Variants in NEBL observed in about 807,000 individuals in gnomAD.
NEBL encodes the protein nebulette.
In NEBL, 122 loss-of-function variants were observed where a neutral mutation model predicts 140.2. The observed-to-expected ratio is 0.87, with a 90% confidence interval of 0.75 to 1.01. The LOEUF is 1.01. Among genes scored for constraint, NEBL ranks in the 50% least tolerant of loss-of-function variants. NEBL has a pLI of 0.00. For missense variants in NEBL, 1,365 were observed against 1,231.3 expected (o/e 1.11, Z -1.62); for synonymous variants, 436 against 398.9 (o/e 1.09, Z -1.11).
chr10:21,189,350 G>A (rs2132215096), intron 3 of NEBL, among the ~76,000 whole-genome samples: 1 of 152,250 alleles, frequency 6.6e-6, no homozygotes, highest in South Asian at 2.1e-4. Context: ...GCCACCAGAA[G>A]CTGGAAAAAG....
At chr10:20,808,092 A>G (rs1312519035) in intron 26 of NEBL, among the ~76,000 whole-genome samples, 2 of 152,096 alleles carry the variant, frequency 1.3e-5, no homozygotes, top group East Asian at 3.9e-4. Context: ...CACATTCATT[A>G]TAACCTCTGA....
chr10:21,049,442 A>G (rs546234052), intron 2 of NEBL, among the ~76,000 whole-genome samples: 1 of 152,314 alleles, frequency 6.6e-6, no homozygotes, highest in African/African-American at 2.4e-5. Flanking sequence ...GCTCATAAGA[A>G]GATTGATTAC....
At chr10:21,192,280 C>G (rs1461039674) in intron 3 of NEBL, among the ~76,000 whole-genome samples, 1 of 151,640 alleles carries the variant, frequency 6.6e-6, no homozygotes, top group Non-Finnish European at 1.5e-5. Flanking sequence ...CAAGTTCTGC[C>G]TCCTGGGTTC....
In NEBL at chr10:20,852,664, G is replaced by A. The variant is rs913035151; in HGVS notation, c.904-15C>T. 3.2e-6 allele frequency: 5 copies of A among 1,564,666 alleles called. 1 individual carries two copies. The South Asian group carries it at 5.6e-5, about 17-fold the overall frequency. On this transcript the variant is annotated splice_polypyrimidine_tract_variant and intron_variant, in intron 9 of 27. Coordinates refer to ENST00000377122, the MANE Select transcript of NEBL (RefSeq NM_006393.3). ...TTATATTCTCGCTAAAATACAGAAT[G>A]GGGAAATCAACTTAGAATCAAAGAG...
rs528475077 is a variant in NEBL at position 20,807,868 on chromosome 10, T to C, written c.2761+642A>G. ...TAGTTTAATACCCTAAAGAAATTCA[T>C]TGAAGTTCTAGGCTTAATCCATCAG... On this transcript the variant is annotated intron_variant, in intron 26 of 27. Coordinates refer to ENST00000377122, the MANE Select transcript of NEBL (RefSeq NM_006393.3). Among the ~76,000 whole-genome samples, 27 of 152,174 alleles carry C rather than the reference T, an allele frequency of 1.8e-4. 1 individual carries two copies. The South Asian group carries it at 4.8e-3, about 27-fold the overall frequency.
chr10:20,846,553 T>C (rs1841966475), intron 11 of NEBL, among the ~76,000 whole-genome samples: 1 of 152,116 alleles, frequency 6.6e-6, no homozygotes, highest in Non-Finnish European at 1.5e-5. Context: ...ACCAGTTGCA[T>C]TGAGAACATC....
At chr10:20,903,785 T>C (rs921228778) in intron 4 of NEBL, among the ~76,000 whole-genome samples, 2 of 151,812 alleles carry the variant, frequency 1.3e-5, no homozygotes, top group Non-Finnish European at 2.9e-5. Context: ...AAATACTGCA[T>C]GTTGTCTGTC....
intron 2 of NEBL, among the ~76,000 whole-genome samples, chr10:21,041,462 T>C (rs566163990): frequency 4.5e-4 from 68 of 151,922 alleles, no homozygotes; most frequent in Non-Finnish European, 9.1e-4. Context: ...GCAGACAACA[T>C]GGAAAAAAGC....
At chr10:21,133,996 G>A (rs559089402) in intron 2 of NEBL, among the ~76,000 whole-genome samples, 42 of 152,292 alleles carry the variant, frequency 2.8e-4, no homozygotes, top group Non-Finnish European at 5.7e-4. Flanking sequence ...GGAGGCTGAG[G>A]TAGGCGGATC....
chr10:21,144,428 A>G (rs1392664876), intron 2 of NEBL, among the ~76,000 whole-genome samples: 1 of 152,180 alleles, frequency 6.6e-6, no homozygotes, highest in Non-Finnish European at 1.5e-5. Flanking sequence ...CTCTTGCTCA[A>G]ATAAAATCAG....
At chr10:20,961,894 GC>G (rs1836068339) in intron 3 of NEBL, 2 of 764,984 alleles carry the variant, frequency 2.6e-6, no homozygotes, top group Admixed American at 4.1e-5. Flanking sequence ...ACAGATCTCA[GC>G]CGGAGGTGCA....
intron 4 of NEBL, among the ~76,000 whole-genome samples, chr10:20,903,051 A>T (rs929855917): frequency 6.6e-6 from 1 of 152,166 alleles, no homozygotes; most frequent in Non-Finnish European, 1.5e-5. Context: ...TAGAAATGCA[A>T]ATTATAGTAG....
intron 4 of NEBL, among the ~76,000 whole-genome samples, chr10:20,926,306 A>C (rs979057689): frequency 2.0e-5 from 3 of 152,216 alleles, no homozygotes; most frequent in African/African-American, 7.2e-5. Flanking sequence ...TCTGAGCATG[A>C]TTTATATTCA....
At chr10:20,891,816 A>G (rs967291207) in intron 2 of NEBL, among the ~76,000 whole-genome samples, 2 of 152,196 alleles carry the variant, frequency 1.3e-5, no homozygotes, top group African/African-American at 2.4e-5. Context: ...GTCACACACA[A>G]TCATGTGTGA....
At chr10:20,941,962 T>C (rs1441940205) in intron 4 of NEBL, among the ~76,000 whole-genome samples, 2 of 152,116 alleles carry the variant, frequency 1.3e-5, no homozygotes, top group South Asian at 2.1e-4. Context: ...TGGAAGAACA[T>C]TCCATGCTCA....
At chr10:21,150,286 C>T (rs527558820) in intron 2 of NEBL, among the ~76,000 whole-genome samples, 7 of 152,300 alleles carry the variant, frequency 4.6e-5, no homozygotes, top group East Asian at 1.9e-4. Context: ...TGGAAGCTTT[C>T]GCTTCTCATC....
rs1280111549 is a variant in NEBL at position 21,257,761 on chromosome 10, T to C, written n.183-5933A>G. 2.0e-5 allele frequency among the ~76,000 whole-genome samples: 3 copies of C among 152,072 alleles called. No homozygotes were observed. The East Asian group carries it at 5.8e-4, about 29-fold the overall frequency. On this transcript the variant is annotated intron_variant and non_coding_transcript_variant, in intron 1 of 8. Coordinates refer to the NEBL transcript ENST00000675702. ...CTAGGTGGGTGTGGTGGCAGGCACC[T>C]GTAGTCCCAGCTACTTGGGAGGCTG...
intron 21 of NEBL, among the ~76,000 whole-genome samples, chr10:20,816,791 A>G (rs1432229434): frequency 6.6e-6 from 1 of 152,152 alleles, no homozygotes; most frequent in African/African-American, 2.4e-5. Flanking sequence ...TGTCTAGGTA[A>G]AAACTGCCAG....
At chr10:20,948,573 G>A (rs1835290686) in intron 4 of NEBL, among the ~76,000 whole-genome samples, 1 of 152,198 alleles carries the variant, frequency 6.6e-6, no homozygotes. Context: ...ACAAGAACAA[G>A]TTTTGGAGAA....
Sources: allele counts gnomAD v4.1 joint callset (sites outside exome capture counted in the v4.1 genomes callset), GRCh38; gene constraint gnomAD v4.1.1; transcripts MANE v1.5; gene names NCBI Gene and HGNC (gene_info 2026-07-23, HGNC 2026-07-21).